The following SIK3 variants were observed in gnomAD, a reference collection of about 807,000 sequenced individuals.
SIK3 encodes SIK family kinase 3, also known as serine/threonine-protein kinase SIK3.
Under a neutral mutation model 144.2 loss-of-function variants are expected in SIK3, and 28 were observed. The ratio of observed to expected loss-of-function variants is 0.19; its 90% CI spans 0.14 to 0.27. SIK3 has a LOEUF of 0.27. SIK3 is among the 10% of genes least tolerant of loss of function. The pLI, the probability that SIK3 is intolerant of heterozygous loss-of-function variation, is 1.00. For synonymous variants in SIK3, 686 were observed against 676.3 expected, an observed-to-expected ratio of 1.01 and a Z score of -0.22; for missense variants, 1,319 against 1,776.0, an observed-to-expected ratio of 0.74 and a Z score of 4.62.
intron 1 of SIK3, among the ~76,000 whole-genome samples, chr11:117,004,018 A>G (rs1468100471): frequency 6.6e-6 from 1 of 152,228 alleles, no homozygotes; most frequent in East Asian, 1.9e-4. Flanking sequence ...AAGAAATTAA[A>G]GTATTTATTA....
intron 1 of SIK3, among the ~76,000 whole-genome samples, chr11:116,961,239 G>C (rs543720139): frequency 1.6e-3 from 238 of 152,294 alleles, no homozygotes; most frequent in Non-Finnish European, 2.6e-3. Flanking sequence ...ACTTACTGTT[G>C]CTTGGCAATG....
chr11:116,907,663 T>C (rs766109285), intron 4 of SIK3, among the ~76,000 whole-genome samples: 1 of 152,056 alleles, frequency 6.6e-6, no homozygotes, highest in Non-Finnish European at 1.5e-5. Context: ...AACAAAAAAC[T>C]TGCAAATTCC....
chr11:116,953,346 AAAAAT>A (rs1249961063), intron 3 of SIK3, among the ~76,000 whole-genome samples: 2 of 152,338 alleles, frequency 1.3e-5, no homozygotes, highest in African/African-American at 4.8e-5. Flanking sequence ...TGCCAAAAGA[AAAAAT>A]AAAAGACACA....
intron 1 of SIK3, among the ~76,000 whole-genome samples, chr11:117,019,255 G>A (rs1951665392): frequency 1.3e-5 from 2 of 151,850 alleles, no homozygotes; most frequent in South Asian, 4.2e-4. Flanking sequence ...CCTGAGCTCA[G>A]GCAATCCACC....
At position 116,936,233 on chromosome 11, in the gene SIK3, G is replaced by A. The variant is rs192640634; in HGVS notation, c.455-8853C>T. On this transcript the variant is annotated intron_variant, in intron 3 of 24. Coordinates refer to ENST00000445177, the MANE Select transcript of SIK3 (RefSeq NM_001366686.3). ...CTCACTTTGTCATCCAGGCTGAAGC[G>A]GGGTGGTGTGATCTCGGCTCATCAC... Among the ~76,000 whole-genome samples the A allele has an allele frequency of 7.2e-5, 11 of 152,330 alleles. No individual in the cohort carries two copies. The East Asian group carries it at 1.3e-3, about 19-fold the overall frequency.
At chr11:116,924,113 G>A (rs1328931399) in intron 4 of SIK3, among the ~76,000 whole-genome samples, 1 of 151,888 alleles carries the variant, frequency 6.6e-6, no homozygotes. Context: ...GGCCAGCATA[G>A]TAAAACTCGT....
chr11:116,846,093 C>T lies in SIK3; in HGVS notation c.*13+290G>A, dbSNP rs534924889. Among the ~76,000 whole-genome samples, 7 of 152,348 alleles carry T rather than the reference C, an allele frequency of 4.6e-5. No homozygotes were observed. In the East Asian group the frequency reaches 1.2e-3, roughly 25 times the overall value. On this transcript the variant is annotated intron_variant, in intron 24 of 24. Coordinates refer to ENST00000445177, the MANE Select transcript of SIK3 (RefSeq NM_001366686.3). This position sits in a 1 kb window ranked among gnomAD's most constrained non-coding sequence, Gnocchi z 4.1. The stretch of plus-strand genomic sequence containing the variant: ...CTCTGGAGCCGTAGCTCACTTCTGT[C>T]GCTATGAAGGCTAGAGCACCTGTAA...
rs916034822 is a variant in SIK3, at chr11:117,032,944, T to C, written c.273+65199A>G. On this transcript the variant is annotated intron_variant, in intron 1 of 24. Coordinates refer to ENST00000445177, the MANE Select transcript of SIK3 (RefSeq NM_001366686.3). ...AGCATTCATATATAAAATATAGATATTTCAAACCCTACAGAGGGCCTTTTA... is the reference window on the plus strand; with the variant it reads ...AGCATTCATATATAAAATATAGATACTTCAAACCCTACAGAGGGCCTTTTA... Among the ~76,000 whole-genome samples the C allele has an allele frequency of 2.1e-4, 32 of 152,312 alleles. 1 individual carries two copies. In the Middle Eastern group the frequency reaches 0.01, roughly 49 times the overall value.
At chr11:116,965,732 AAAATATATAT>A (rs1294599480) in intron 1 of SIK3, among the ~76,000 whole-genome samples, 72 of 77,306 alleles carry the variant, frequency 9.3e-4, no homozygotes, top group African/African-American at 4.0e-3. Context: ...CGTCTCTGCT[AAAATATATAT>A]ATATATATAT....
chr11:117,036,248 T>C (rs985952698), intron 1 of SIK3, among the ~76,000 whole-genome samples: 2 of 151,720 alleles, frequency 1.3e-5, no homozygotes, highest in Non-Finnish European at 2.9e-5. Context: ...AAAAATAATG[T>C]AGGTAGTTTC....
At chr11:116,874,873 G>A (rs1183213244) in intron 11 of SIK3, among the ~76,000 whole-genome samples, 3 of 152,156 alleles carry the variant, frequency 2.0e-5, no homozygotes, top group African/African-American at 4.8e-5. Context: ...GGGCGAGCTG[G>A]CCTTCAGTCC....
intron 3 of SIK3, among the ~76,000 whole-genome samples, chr11:116,946,208 C>T (rs1013688415): frequency 6.6e-6 from 1 of 152,116 alleles, no homozygotes; most frequent in Non-Finnish European, 1.5e-5. Context: ...CATATTTAAA[C>T]GAATCAAAAT....
In SIK3 at chr11:117,067,546, C is replaced by T. The variant is rs76796066; in HGVS notation, c.273+30597G>A. ...ATGAGAATGAATGCAAACAGTGCTA[C>T]TGTAACTTTCTGCGAGACTGAATTG... On this transcript the variant is annotated intron_variant, in intron 1 of 24. Transcript: ENST00000445177. Among the ~76,000 whole-genome samples, 1,396 of 152,256 alleles carry T rather than the reference C, an allele frequency of 9.2e-3. 23 individuals are homozygous for T. The highest frequency in any genetic ancestry group is 0.032 in the African/African-American group (1,331 of 41,526).
intron 1 of SIK3, among the ~76,000 whole-genome samples, chr11:117,036,619 T>C (rs1952516786): frequency 6.6e-6 from 1 of 152,248 alleles, no homozygotes; most frequent in African/African-American, 2.4e-5. Flanking sequence ...AATAGGCATA[T>C]TTATTGTAAT....
intron 1 of SIK3, among the ~76,000 whole-genome samples, chr11:116,990,644 T>G (rs1255872401): frequency 6.6e-6 from 1 of 152,206 alleles, no homozygotes; most frequent in Non-Finnish European, 1.5e-5. Context: ...TCCACATTCG[T>G]ACCTCCAGGC....
intron 15 of SIK3, among the ~76,000 whole-genome samples, chr11:116,866,312 GAAGGAGAC>G (rs1287746335): frequency 1.3e-5 from 2 of 152,174 alleles, no homozygotes; most frequent in Non-Finnish European, 2.9e-5. Context: ...AGGAAGGGAA[GAAGGAGAC>G]AAGGAGAAAA....
chr11:117,089,338 T>G (rs1591686446), intron 1 of SIK3, among the ~76,000 whole-genome samples: 1 of 144,330 alleles, frequency 6.9e-6, no homozygotes. Context: ...ACCCGAGAGG[T>G]GGAGCTTGCA....
At chr11:116,926,531 T>C (rs1947282442) in intron 4 of SIK3, among the ~76,000 whole-genome samples, 1 of 152,346 alleles carries the variant, frequency 6.6e-6, no homozygotes, top group African/African-American at 2.4e-5. Context: ...AGAATAAGTA[T>C]GCTCTGTGTC....
chr11:116,930,261 C>A (rs1208650849), intron 3 of SIK3, among the ~76,000 whole-genome samples: 1 of 152,126 alleles, frequency 6.6e-6, no homozygotes, highest in Non-Finnish European at 1.5e-5. Flanking sequence ...CCCCCCAACC[C>A]CTACTCCCAT....
Sources: allele counts gnomAD v4.1 joint callset (sites outside exome capture counted in the v4.1 genomes callset), GRCh38; gene constraint gnomAD v4.1.1; non-coding constraint Gnocchi (gnomAD v3.1); transcripts MANE v1.5; gene names NCBI Gene and HGNC (gene_info 2026-07-23, HGNC 2026-07-21).